Variants in LDB2 observed in about 807,000 individuals in gnomAD.
LDB2 encodes LIM domain binding 2, also known as LIM domain-binding protein 2.
LDB2 carries 12 observed loss-of-function variants against 44.3 expected under a neutral mutation model. The ratio of observed to expected loss-of-function variants is 0.27; its 90% CI spans 0.17 to 0.44. The LOEUF (loss-of-function observed/expected upper bound fraction) is 0.44, where lower values mean the gene tolerates loss of function less well. Ranked by LOEUF, LDB2 falls within the 20% of genes least tolerant of loss-of-function variation. The pLI, the probability that LDB2 is intolerant of heterozygous loss-of-function variation, is 1.00. For missense variants in LDB2, 344 were observed against 473.5 expected, an observed-to-expected ratio of 0.73 and a Z score of 2.54; for synonymous variants, 164 against 174.8, an observed-to-expected ratio of 0.94 and a Z score of 0.49.
intron 2 of LDB2, among the ~76,000 whole-genome samples, chr4:16,699,672 A>G (rs760115437): frequency 6.6e-6 from 1 of 152,234 alleles, no homozygotes; most frequent in East Asian, 1.9e-4. Flanking sequence ...TTTCAAAAAT[A>G]AAAACTGTAG....
chr4:16,813,812 T>G (rs1780355350), intron 1 of LDB2, among the ~76,000 whole-genome samples: 1 of 152,166 alleles, frequency 6.6e-6, no homozygotes, highest in Non-Finnish European at 1.5e-5. Context: ...TTTGTTTTGT[T>G]CGTTTGGGCT....
At chr4:16,529,412 G>A (rs891537765) in intron 5 of LDB2, among the ~76,000 whole-genome samples, 1 of 152,140 alleles carries the variant, frequency 6.6e-6, no homozygotes, top group Non-Finnish European at 1.5e-5. Context: ...GACAGGCCAG[G>A]TTGCAGGTGC....
chr4:16,695,601 G>A (rs1751945472), intron 2 of LDB2, among the ~76,000 whole-genome samples: 1 of 152,124 alleles, frequency 6.6e-6, no homozygotes, highest in Admixed American at 6.6e-5. Flanking sequence ...ACTAGGGATT[G>A]TCAATTTTTT....
intron 2 of LDB2, among the ~76,000 whole-genome samples, chr4:16,634,788 G>A (rs958667719): frequency 3.3e-5 from 5 of 152,028 alleles, no homozygotes; most frequent in East Asian, 1.9e-4. Context: ...GTCCCATTAC[G>A]GGGCATATAC....
At chr4:16,561,708 GA>G (rs960431207) in intron 5 of LDB2, among the ~76,000 whole-genome samples, 2 of 152,006 alleles carry the variant, frequency 1.3e-5, no homozygotes, top group African/African-American at 2.4e-5. Context: ...CACAGAATTG[GA>G]AAAAAACTAC....
At chr4:16,555,428 C>T (rs1739212527) in intron 5 of LDB2, among the ~76,000 whole-genome samples, 1 of 151,748 alleles carries the variant, frequency 6.6e-6, no homozygotes, top group Admixed American at 6.5e-5. Context: ...CCTCAACCTT[C>T]CTGCACATGT....
chr4:16,519,012 T>C (rs1253599554), intron 5 of LDB2, among the ~76,000 whole-genome samples: 1 of 152,250 alleles, frequency 6.6e-6, no homozygotes, highest in Non-Finnish European at 1.5e-5. Flanking sequence ...ACTCTTTTGC[T>C]TCTATAGCAC....
At position 16,836,817 on chromosome 4, in the gene LDB2, T is replaced by C. The variant is rs1580109508; in HGVS notation, c.132+61537A>G. ...ACTGAGGCTCATAAAATTTAAATAA[T>C]CACACACTAAAAGTGGCATTGCCAG... On this transcript the variant is annotated intron_variant, in intron 1 of 7. Transcript: ENST00000304523. Among the ~76,000 whole-genome samples the C allele has an allele frequency of 3.3e-5, 5 of 152,286 alleles. No individual in the cohort carries two copies. In the South Asian group the frequency reaches 1.0e-3, roughly 32 times the overall value.
chr4:16,790,986 C>A (rs754093951), intron 1 of LDB2, among the ~76,000 whole-genome samples: 1 of 152,096 alleles, frequency 6.6e-6, no homozygotes, highest in Non-Finnish European at 1.5e-5. Context: ...ACCCTTTTTG[C>A]TCAGCAACTT....
At position 16,666,945 on chromosome 4, in the gene LDB2, G is replaced by C. The variant is rs371192104; in HGVS notation, c.236-71070C>G. On this transcript the variant is annotated intron_variant, in intron 2 of 7. Transcript: ENST00000304523. ...GCTCAAGGAATTCCCTTTTGAACAG[G>C]GTGGGGGAATGGAAAGGTGAGGGTA... Among the ~76,000 whole-genome samples the C allele has an allele frequency of 6.6e-5, 10 of 152,228 alleles. No homozygotes were observed. The South Asian group carries it at 1.9e-3, about 28-fold the overall frequency.
intron 2 of LDB2, among the ~76,000 whole-genome samples, chr4:16,729,485 A>G (rs1561019583): frequency 6.6e-6 from 1 of 152,222 alleles, no homozygotes; most frequent in South Asian, 2.1e-4. Context: ...CGGCTCAGCC[A>G]GAGAGCAGGA....
intron 5 of LDB2, among the ~76,000 whole-genome samples, chr4:16,574,467 G>GA (rs1747654389): frequency 2.6e-5 from 4 of 152,176 alleles, no homozygotes; most frequent in Admixed American, 2.0e-4. Context: ...TGCAGCATCA[G>GA]AATCTCAGCA....
chr4:16,857,906 GTCCCTCCC>G (rs899354291), intron 1 of LDB2, among the ~76,000 whole-genome samples: 3 of 151,894 alleles, frequency 2.0e-5, no homozygotes, highest in African/African-American at 4.8e-5. Context: ...TTTGTTTACC[GTCCCTCCC>G]TCCCTCCCCT....
intron 5 of LDB2, among the ~76,000 whole-genome samples, chr4:16,538,430 A>AAAAACAAAACAAAACAAAAAC (rs1553887302): frequency 6.6e-6 from 1 of 151,946 alleles, no homozygotes; most frequent in Non-Finnish European, 1.5e-5. Context: ...AAACAAAAAC[A>AAAAACAAAACAAAACAAAAAC]AAAACAAAAC....
intron 1 of LDB2, among the ~76,000 whole-genome samples, chr4:16,861,739 C>T (rs1219581635): frequency 6.6e-6 from 1 of 152,184 alleles, no homozygotes; most frequent in African/African-American, 2.4e-5. Flanking sequence ...GTCCTGCTGC[C>T]CTAGCCATAT....
chr4:16,840,529 C>T (rs534143742), intron 1 of LDB2, among the ~76,000 whole-genome samples: 144 of 152,146 alleles, frequency 9.5e-4, no homozygotes, highest in East Asian at 1.3e-3. Flanking sequence ...ATCCACTGTG[C>T]GGCTTTAATA....
chr4:16,870,799 G>T (rs558180938), intron 1 of LDB2, among the ~76,000 whole-genome samples: 51 of 152,054 alleles, frequency 3.4e-4, no homozygotes, highest in Admixed American at 9.2e-4. Flanking sequence ...CACCTGGCTA[G>T]TTTTTGTAGT....
At chr4:16,828,476 C>T (rs1783464355) in intron 1 of LDB2, among the ~76,000 whole-genome samples, 1 of 152,160 alleles carries the variant, frequency 6.6e-6, no homozygotes, top group Admixed American at 6.5e-5. Context: ...ATCTGTAACC[C>T]CTCCTCTTGG....
intron 1 of LDB2, among the ~76,000 whole-genome samples, chr4:16,791,447 C>T (rs577491876): frequency 3.3e-5 from 5 of 149,892 alleles, no homozygotes; most frequent in Admixed American, 6.7e-5. Context: ...CCCAGCTACT[C>T]GGGAGGCTGA....
Sources: gnomAD v4.1 joint callset for allele counts (sites outside exome capture counted in the v4.1 genomes callset) on GRCh38, gnomAD v4.1.1 for gene constraint, MANE v1.5 for transcripts, NCBI Gene and HGNC (gene_info 2026-07-23, HGNC 2026-07-21) for gene names.